VPS39: variants seen among roughly 807,000 people sequenced by gnomAD.
VPS39 encodes the protein vam6/Vps39-like protein.
A neutral mutation model predicts 121.0 loss-of-function variants in VPS39; 70 were observed. That is an observed-to-expected ratio of 0.58 (90% CI 0.48 to 0.71). The LOEUF is 0.71. Ranked by LOEUF, VPS39 falls within the 30% of genes least tolerant of loss-of-function variation. VPS39 has a pLI of 0.00. For missense variants in VPS39, 818 were observed against 1,051.5 expected (o/e 0.78, Z 3.07); for synonymous variants, 378 against 398.1 (o/e 0.95, Z 0.60).
Position 42,184,684 on chromosome 15 carries a change from G to C in VPS39, c.551C>G (p.Ser184Cys). Residue 184 changes from serine to cysteine, a missense_variant, in exon 8 of 25, where the codon TCC becomes TGC. Ser to Cys is a moderately radical substitution (Grantham distance 112). Transcript: ENST00000318006. ...YYLIRVDGKGSIKELFPTGKQ... is the reference protein window; with the variant it reads ...YYLIRVDGKGCIKELFPTGKQ... ...TCCTGTTGGAAAGAGCTCTTTGATG[G>C]ACCCCTTTCCATCCACCTATAGGAA... is the stretch of plus-strand genomic sequence containing the variant. The C allele has an allele frequency of 6.2e-7, 1 of 1,612,502 alleles. No homozygotes were observed. The highest frequency in any genetic ancestry group is 8.5e-7 in the Non-Finnish European group (1 of 1,179,168).
In VPS39 at chr15:42,163,408, G is replaced by C. The variant is rs917413298; in HGVS notation, c.2130-13C>G. ...TTTGTGGCAGTACCTGCAAGGGAGA[G>C]AGTGGTGAGAGCAGGTGGTGTGAGG... is the stretch of plus-strand genomic sequence containing the variant. On this transcript the variant is annotated splice_polypyrimidine_tract_variant and intron_variant, in intron 20 of 24. Coordinates refer to ENST00000318006, the MANE Select transcript of VPS39 (RefSeq NM_015289.5). 6.2e-7 allele frequency: 1 copy of C among 1,614,040 alleles called. No homozygotes were observed. Among genetic ancestry groups the C allele is most frequent in the Non-Finnish European group, 8.5e-7 (1 of 1,180,008 alleles).
At chr15:42,198,067 T>C (rs1362895880) in intron 2 of VPS39, among the ~76,000 whole-genome samples, 1 of 152,176 alleles carries the variant, frequency 6.6e-6, no homozygotes, top group African/African-American at 2.4e-5. Flanking sequence ...AAAGGTGACA[T>C]GATAAAATGA....
intron 1 of VPS39, among the ~76,000 whole-genome samples, chr15:42,206,520 G>C (rs1433806415): frequency 6.6e-6 from 1 of 152,170 alleles, no homozygotes; most frequent in African/African-American, 2.4e-5. Context: ...AGTGGAGTTG[G>C]TGAGAGTCTA....
chr15:42,167,759 A>G (rs1052263443), intron 12 of VPS39, among the ~76,000 whole-genome samples: 2 of 152,158 alleles, frequency 1.3e-5, no homozygotes, highest in African/African-American at 2.4e-5. Context: ...TATATATACC[A>G]TCTTAAACCT....
chr15:42,186,006 T>A (rs2049692715), intron 7 of VPS39, among the ~76,000 whole-genome samples: 1 of 152,212 alleles, frequency 6.6e-6, no homozygotes, highest in African/African-American at 2.4e-5. Context: ...CCTTATTCCT[T>A]GTGCGCTCTC....
chr15:42,163,611 T>G lies in VPS39; in HGVS notation c.2129+15A>C. The G allele has an allele frequency of 6.2e-7, 1 of 1,608,988 alleles. No homozygotes were observed. On this transcript the variant is annotated intron_variant, in intron 20 of 24. Transcript: ENST00000318006. ...TTTAGACTGCTTAGGAGGTGGGATG[T>G]TGGGGCAAACTTACTCCTCAGCCAT...
intron 5 of VPS39, 50 bp downstream of exon 5, chr15:42,189,064 G>T: frequency 7.6e-7 from 1 of 1,311,028 alleles, no homozygotes; most frequent in Non-Finnish European, 1.1e-6. Context: ...ATGTAGGAAA[G>T]ACTGTATTGA....
At position 42,204,132 on chromosome 15, in the gene VPS39, C is replaced by T. The variant is rs185030329; in HGVS notation, c.73+3949G>A. Among the ~76,000 whole-genome samples, 7 of 152,328 alleles carry T rather than the reference C, an allele frequency of 4.6e-5. No homozygotes were observed. The East Asian group carries it at 1.4e-3, about 29-fold the overall frequency. On this transcript the variant is annotated intron_variant, in intron 1 of 24. Coordinates refer to ENST00000318006, the MANE Select transcript of VPS39 (RefSeq NM_015289.5). ...TTCATGTAATAAATTCCATTTCTGGCCCAATGCTGGCCACTGCAGGGACCA... is the reference window on the plus strand; with the variant it reads ...TTCATGTAATAAATTCCATTTCTGGTCCAATGCTGGCCACTGCAGGGACCA...
At chr15:42,202,136 CA>C (rs34248733) in intron 1 of VPS39, among the ~76,000 whole-genome samples, 10,001 of 151,698 alleles carry the variant, frequency 0.066, 862 homozygotes, top group African/African-American at 0.18. Flanking sequence ...GCACCCATGT[CA>C]AAAAAAATGG....
At position 42,161,763 on chromosome 15, in the gene VPS39, T is replaced by A. The variant is rs1189961933; in HGVS notation, c.2471A>T (p.Glu824Val). The A allele has an allele frequency of 6.2e-7, 1 of 1,614,044 alleles. No individual in the cohort carries two copies. Among genetic ancestry groups the A allele is most frequent in the Non-Finnish European group, 8.5e-7 (1 of 1,180,052 alleles). The part of the protein sequence containing the change: ...LHAEFLRVQE[E>V]RILHQQVKCI... ...CTTCACCTGCTGGTGTAAAATCCGC[T>A]CTTCCTGGACCTGGAAGAACAGGGG... Residue 824 changes from glutamate (E) to valine (V), a missense_variant, in exon 24 of 25, where the codon GAG (glutamate) becomes GTG (valine). Physicochemically the swap from Glu to Val is moderately radical, Grantham distance 121. Transcript: ENST00000318006.
At chr15:42,191,427 C>T (rs1195860114) in intron 3 of VPS39, 69 bp downstream of exon 3, 4 of 1,473,926 alleles carry the variant, frequency 2.7e-6, no homozygotes, top group Non-Finnish European at 3.8e-6. Flanking sequence ...AATAACATTA[C>T]CAAAGTTCTA....
Position 42,208,301 on chromosome 15 carries a change from C to A in VPS39, c.-148G>T, listed in dbSNP as rs1029235356. ...CCTTCAACAACACAGCCATCGTCAA[C>A]CCCGGACTTCCTGCTAGTTAGGCCC... On this transcript the variant is annotated 5_prime_UTR_variant, in exon 1 of 25. Coordinates refer to ENST00000318006, the MANE Select transcript of VPS39 (RefSeq NM_015289.5). 13 of 997,114 alleles carry A rather than the reference C, an allele frequency of 1.3e-5. No individual in the cohort carries two copies. Among genetic ancestry groups the A allele is most frequent in the Admixed American group, 2.7e-5 (1 of 37,406 alleles). The allele number at this position is 997,114 out of a possible 1,614,324, so 61.8% of individuals were successfully genotyped here. A position where few individuals can be genotyped will look rare whatever the true frequency, so the allele number is the denominator to read the frequency against.
chr15:42,196,729 C>G (rs1414763631), intron 2 of VPS39, among the ~76,000 whole-genome samples: 1 of 152,176 alleles, frequency 6.6e-6, no homozygotes, highest in South Asian at 2.1e-4. Flanking sequence ...GTTGGTGGGA[C>G]TGTAAACTAG....
intron 10 of VPS39, 118 bp from the exon 11 acceptor site, chr15:42,173,970 G>T: frequency 8.1e-7 from 1 of 1,240,512 alleles, no homozygotes; most frequent in Non-Finnish European, 1.1e-6. Flanking sequence ...AGACAAGGCC[G>T]GGCGCGGTGC....
At chr15:42,202,272 C>A (rs1268387695) in intron 1 of VPS39, among the ~76,000 whole-genome samples, 1 of 152,030 alleles carries the variant, frequency 6.6e-6, no homozygotes, top group Non-Finnish European at 1.5e-5. Flanking sequence ...TCCAGAAAAA[C>A]AGAGTGATTC....
intron 8 of VPS39, among the ~76,000 whole-genome samples, chr15:42,183,949 G>A (rs1274899857): frequency 1.3e-5 from 2 of 151,364 alleles, no homozygotes; most frequent in Non-Finnish European, 2.9e-5. Context: ...CAATTCCATT[G>A]TGGAGAGCTG....
In VPS39 at chr15:42,160,352, G is replaced by A. The variant is rs1009044221; in HGVS notation, c.*402C>T. On this transcript the variant is annotated 3_prime_UTR_variant, in exon 25 of 25. Coordinates refer to ENST00000318006, the MANE Select transcript of VPS39 (RefSeq NM_015289.5). ...CTGTTCTCTCATGGAACTCTCCAGT[G>A]AGCCATGCTGAGCGGTCCTTGTGAA... The A allele has an allele frequency of 4.9e-6, 1 of 202,676 alleles. No homozygotes were observed. Among genetic ancestry groups the A allele is most frequent in the South Asian group, 1.0e-4 (1 of 9,848 alleles). 12.6% of individuals were successfully genotyped at this position (202,676 alleles called of 1,614,324 possible). A position where few individuals can be genotyped will look rare whatever the true frequency, so the allele number is the denominator to read the frequency against.
intron 10 of VPS39, among the ~76,000 whole-genome samples, chr15:42,177,292 T>G (rs574002238): frequency 9.4e-5 from 14 of 148,834 alleles, no homozygotes; most frequent in African/African-American, 3.4e-4. Context: ...ATCCACCCCC[T>G]ACAGATGACA....
At chr15:42,200,032 G>C in intron 1 of VPS39, 71 bp from the exon 2 acceptor site, 1 of 1,406,438 alleles carries the variant, frequency 7.1e-7, no homozygotes, top group East Asian at 2.6e-5. Context: ...ATCAGCTTGA[G>C]TATAACCCTA....
Sources: gnomAD v4.1 joint callset for allele counts (sites outside exome capture counted in the v4.1 genomes callset) on GRCh38, gnomAD v4.1.1 for gene constraint, MANE v1.5 for transcripts, NCBI Gene and HGNC (gene_info 2026-07-23, HGNC 2026-07-21) for gene names.